Variants in CPLX2 observed in about 807,000 individuals in gnomAD.
The protein encoded by CPLX2 is complexin 2.
CPLX2 carries 5 observed loss-of-function variants against 16.3 expected under a neutral mutation model. The observed-to-expected ratio is 0.31, with a 90% CI of 0.16 to 0.64. The LOEUF (loss-of-function observed/expected upper bound fraction) is 0.64, where lower values mean the gene tolerates loss of function less well. Ranked by LOEUF, CPLX2 falls within the 30% of genes least tolerant of loss-of-function variation. The pLI, the probability that CPLX2 is intolerant of heterozygous loss-of-function variation, is 0.79. For synonymous variants in CPLX2, 89 were observed against 73.2 expected, an observed-to-expected ratio of 1.22 and a Z score of -1.10; for missense variants, 144 against 181.4, an observed-to-expected ratio of 0.79 and a Z score of 1.18.
rs1046648606 is a variant in CPLX2, at chr5:175,883,950, C to G, written c.*3905C>G. 6.6e-6 allele frequency: 1 copy of G among 152,666 alleles called. No homozygotes were observed. The highest frequency in any genetic ancestry group is 1.5e-5 in the Non-Finnish European group (1 of 68,142). The allele number at this position is 152,666 out of a possible 1,614,324, so 9.5% of individuals were successfully genotyped here. On this transcript the variant is annotated 3_prime_UTR_variant, in exon 4 of 4. Coordinates refer to ENST00000393745, the MANE Select transcript of CPLX2 (RefSeq NM_001008220.2). Reference sequence around the variant, plus strand: ...ACCAAAAGCCATGGCTGTTGCTCCCCCCTTTGTATGATGCAAATGCTGAAA... The same window carrying G: ...ACCAAAAGCCATGGCTGTTGCTCCCGCCTTTGTATGATGCAAATGCTGAAA...
chr5:175,853,811 G>A (rs892969493), intron 2 of CPLX2, among the ~76,000 whole-genome samples: 1 of 152,146 alleles, frequency 6.6e-6, no homozygotes, highest in African/African-American at 2.4e-5. Flanking sequence ...GCAAGCGGCT[G>A]CACTTCCCTC....
At chr5:175,822,223 G>C (rs879326457) in intron 2 of CPLX2, among the ~76,000 whole-genome samples, 1 of 151,756 alleles carries the variant, frequency 6.6e-6, no homozygotes, top group Non-Finnish European at 1.5e-5. Flanking sequence ...ACCATAAGAC[G>C]TACTTTTGAG....
chr5:175,848,750 G>A (rs936930131), intron 2 of CPLX2, among the ~76,000 whole-genome samples: 5 of 152,186 alleles, frequency 3.3e-5, no homozygotes, highest in Non-Finnish European at 4.4e-5. Context: ...ATAGCAATCA[G>A]AGGGGTTGCT....
At chr5:175,878,503 C>G in intron 1 of CPLX2, 149 bp from the exon 2 acceptor site, 2 of 592,784 alleles carry the variant, frequency 3.4e-6, no homozygotes, top group Non-Finnish European at 3.0e-6. Flanking sequence ...TCTCTTCCAT[C>G]TCCTTTCTCC....
rs1755471673 is a variant in CPLX2, at chr5:175,878,632, C to A, written c.-88-20C>A. 7.6e-7 allele frequency: 1 copy of A among 1,319,566 alleles called. No homozygotes were observed. The highest frequency in any genetic ancestry group is 1.1e-6 in the Non-Finnish European group (1 of 938,558). 81.7% of individuals were successfully genotyped at this position (1,319,566 alleles called of 1,614,324 possible). Reference sequence around the variant, plus strand: ...CTGTGCAGAGGCCTCTCCCATCTGACTCCCAATTCTCTTCTGCAGGTTGTC... The same window carrying A: ...CTGTGCAGAGGCCTCTCCCATCTGAATCCCAATTCTCTTCTGCAGGTTGTC... On this transcript the variant is annotated intron_variant, in intron 1 of 3. Coordinates refer to ENST00000393745, the MANE Select transcript of CPLX2 (RefSeq NM_001008220.2).
At chr5:175,877,939 AAG>A (rs1755440417) in intron 1 of CPLX2, among the ~76,000 whole-genome samples, 1 of 152,238 alleles carries the variant, frequency 6.6e-6, no homozygotes, top group Non-Finnish European at 1.5e-5. Flanking sequence ...GGTAGTTTAA[AAG>A]CCCTAAGCCC....
At chr5:175,863,048 A>T (rs774416036) in intron 2 of CPLX2, among the ~76,000 whole-genome samples, 14 of 152,270 alleles carry the variant, frequency 9.2e-5, no homozygotes, top group Non-Finnish European at 1.9e-4. Context: ...AGGTAAGAGC[A>T]GAGGCAGGAG....
rs1755534728 is a variant in CPLX2, at chr5:175,880,061, C to A, written c.*16C>A. 6.2e-7 allele frequency: 1 copy of A among 1,605,280 alleles called. No homozygotes were observed. Among genetic ancestry groups the A allele is most frequent in the Non-Finnish European group, 8.5e-7 (1 of 1,175,654 alleles). On this transcript the variant is annotated 3_prime_UTR_variant, in exon 4 of 4. Transcript: ENST00000393745. ...CAAGAAGTAACCAGGCCTCCTGCCC[C>A]AGCCTACTCCACCTGTTACTACTTC... is the stretch of plus-strand genomic sequence containing the variant.
intron 2 of CPLX2, among the ~76,000 whole-genome samples, chr5:175,844,062 C>T (rs547738218): frequency 5.3e-5 from 8 of 152,340 alleles, no homozygotes; most frequent in South Asian, 2.1e-4. Context: ...CCCAGCATCA[C>T]CTCACCTATA....
At chr5:175,833,630 T>C (rs1362922424) in intron 2 of CPLX2, among the ~76,000 whole-genome samples, 2 of 152,126 alleles carry the variant, frequency 1.3e-5, no homozygotes, top group African/African-American at 4.8e-5. Flanking sequence ...TCCAGGACTC[T>C]TTGAGAAACA....
chr5:175,825,770 G>A (rs1353598412), intron 2 of CPLX2, among the ~76,000 whole-genome samples: 1 of 151,904 alleles, frequency 6.6e-6, no homozygotes, highest in Non-Finnish European at 1.5e-5. Context: ...TGGAAACTCC[G>A]TTGATTTCCC....
At chr5:175,836,358 T>TAAATAAAATAAAATA (rs113010011) in intron 2 of CPLX2, among the ~76,000 whole-genome samples, 21 of 150,870 alleles carry the variant, frequency 1.4e-4, no homozygotes, top group South Asian at 4.2e-4. Flanking sequence ...TCAAAATAAA[T>TAAATAAAATAAAATA]AAATAAAATA....
intron 2 of CPLX2, among the ~76,000 whole-genome samples, chr5:175,840,842 A>G (rs2113668322): frequency 6.6e-6 from 1 of 152,334 alleles, no homozygotes; most frequent in South Asian, 2.1e-4. Context: ...GGGCCAGCAC[A>G]TGGTGTGACA....
chr5:175,875,971 T>C lies in CPLX2; in HGVS notation c.-88-2681T>C, dbSNP rs561691232. Among the ~76,000 whole-genome samples, 5 of 152,116 alleles carry C rather than the reference T, an allele frequency of 3.3e-5. No homozygotes were observed. The South Asian group carries it at 8.3e-4, about 25-fold the overall frequency. ...TGGTAAACAATGTCTGATGAATGCA[T>C]GCTGGCAAGCAGAGGTGGCCGGAGA... On this transcript the variant is annotated intron_variant, in intron 1 of 3. Transcript: ENST00000393745.
At chr5:175,843,815 G>C (rs1177641374) in intron 2 of CPLX2, among the ~76,000 whole-genome samples, 1 of 152,224 alleles carries the variant, frequency 6.6e-6, no homozygotes, top group African/African-American at 2.4e-5. Context: ...CCTCAGGAGA[G>C]AAGGTCGTTG....
At chr5:175,800,354 G>A (rs1758069885) in intron 1 of CPLX2, among the ~76,000 whole-genome samples, 1 of 152,096 alleles carries the variant, frequency 6.6e-6, no homozygotes. Context: ...CATCCTTGGT[G>A]AAGGGAAGTC....
chr5:175,860,978 T>A (rs1336824580), intron 2 of CPLX2, among the ~76,000 whole-genome samples: 1 of 149,664 alleles, frequency 6.7e-6, no homozygotes, highest in Non-Finnish European at 1.5e-5. Flanking sequence ...TGGGGTTATG[T>A]GTGTGGGTGA....
chr5:175,844,548 G>A (rs776702814), intron 2 of CPLX2, among the ~76,000 whole-genome samples: 65 of 152,326 alleles, frequency 4.3e-4, no homozygotes, highest in Non-Finnish European at 8.5e-4. Context: ...GTGGCTTGTT[G>A]TATAAGCAAA....
chr5:175,858,625 C>T (rs1759305488), intron 2 of CPLX2, among the ~76,000 whole-genome samples: 1 of 152,198 alleles, frequency 6.6e-6, no homozygotes, highest in Non-Finnish European at 1.5e-5. Flanking sequence ...AGGAAATGTA[C>T]ACAATATATT....
Sources: gnomAD v4.1 joint callset for allele counts (sites outside exome capture counted in the v4.1 genomes callset) on GRCh38, gnomAD v4.1.1 for gene constraint, MANE v1.5 for transcripts, NCBI Gene and HGNC (gene_info 2026-07-23, HGNC 2026-07-21) for gene names.